GRIN2A: variants seen among roughly 807,000 people sequenced by gnomAD.
GRIN2A encodes the protein glutamate receptor ionotropic, NMDA 2A.
A neutral mutation model predicts 113.4 loss-of-function variants in GRIN2A; 22 were observed. The observed-to-expected ratio is 0.19, with a 90% CI of 0.14 to 0.28. GRIN2A has a LOEUF of 0.28. Among genes scored for constraint, GRIN2A ranks in the 10% least tolerant of loss-of-function variants. The pLI, the probability that GRIN2A is intolerant of heterozygous loss-of-function variation, is 1.00. For missense variants in GRIN2A, 1,502 were observed against 1,887.0 expected (o/e 0.80, Z 3.78); for synonymous variants, 827 against 738.4 (o/e 1.12, Z -1.94).
At chr16:9,906,133 A>G (rs891013463) in intron 3 of GRIN2A, among the ~76,000 whole-genome samples, 1 of 152,150 alleles carries the variant, frequency 6.6e-6, no homozygotes, top group Admixed American at 6.6e-5. Context: ...CTCCATACTC[A>G]TATCAAGCCC....
intron 2 of GRIN2A, 105 bp downstream of exon 2, chr16:10,179,893 C>CCCCAAAAA: frequency 1.4e-5 from 10 of 719,794 alleles, no homozygotes; most frequent in East Asian, 7.2e-5. Context: ...CCCCCACCCC[C>CCCCAAAAA]ACTTCACATC....
Position 10,055,046 on chromosome 16 carries a change from T to TAAAAA in GRIN2A, c.415-116496_415-116495insTTTTT, listed in dbSNP as rs1567266287. 3.7e-3 allele frequency among the ~76,000 whole-genome samples: 46 copies of TAAAAA among 12,482 alleles called. 2 individuals are homozygous for TAAAAA. Among genetic ancestry groups the TAAAAA allele is most frequent in the Admixed American group, 0.012 (7 of 602 alleles). The allele number at this position is 12,482 out of a possible 152,430, so 8.2% of individuals were successfully genotyped here. A position where few individuals can be genotyped will look rare whatever the true frequency, so the allele number is the denominator to read the frequency against. ...CCAGGCAACAGAGCGAGACTCTATC[T>TAAAAA]CAAAAAAAAAAAAAAAAAAAAAAAA... On this transcript the variant is annotated intron_variant, in intron 2 of 12. Transcript: ENST00000330684.
intron 7 of GRIN2A, among the ~76,000 whole-genome samples, chr16:9,836,742 A>T (rs1458161980): frequency 6.6e-6 from 1 of 152,250 alleles, no homozygotes; most frequent in Non-Finnish European, 1.5e-5. Flanking sequence ...ACAAAGAAAC[A>T]TCGTTAAAGC....
At chr16:9,884,083 T>C (rs1280941054) in intron 4 of GRIN2A, among the ~76,000 whole-genome samples, 3 of 152,240 alleles carry the variant, frequency 2.0e-5, no homozygotes, top group Non-Finnish European at 2.9e-5. Flanking sequence ...AAAGTTTGTC[T>C]AGGATACACT....
chr16:9,942,475 G>A (rs2044907054), intron 2 of GRIN2A, among the ~76,000 whole-genome samples: 1 of 152,142 alleles, frequency 6.6e-6, no homozygotes, highest in African/African-American at 2.4e-5. Context: ...TCCATCACAT[G>A]GGTCTGCTGT....
At chr16:9,913,311 C>G (rs2044181460) in intron 3 of GRIN2A, among the ~76,000 whole-genome samples, 1 of 152,180 alleles carries the variant, frequency 6.6e-6, no homozygotes, top group African/African-American at 2.4e-5. Context: ...TATGGGTGCT[C>G]TATTTCATTC....
At position 9,753,785 on chromosome 16, in the gene GRIN2A, A is replaced by C. The variant is rs371383634; in HGVS notation, c.*9364T>G. On this transcript the variant is annotated 3_prime_UTR_variant, in exon 13 of 13. Coordinates refer to ENST00000330684, the MANE Select transcript of GRIN2A (RefSeq NM_001134407.3). The stretch of plus-strand genomic sequence containing the variant: ...GAACATTAATTCCCAAATGAAGACC[A>C]TTGCTTAGAGCAGACAGCTTGCTTT... 7 of 184,230 alleles carry C rather than the reference A, an allele frequency of 3.8e-5. No individual in the cohort carries two copies. The highest frequency in any genetic ancestry group is 1.4e-4 in the African/African-American group (6 of 42,656). The allele number at this position is 184,230 out of a possible 1,614,324, so 11.4% of individuals were successfully genotyped here. A position where few individuals can be genotyped will look rare whatever the true frequency, so the allele number is the denominator to read the frequency against.
intron 4 of GRIN2A, among the ~76,000 whole-genome samples, chr16:9,870,090 T>A (rs983537819): frequency 6.6e-6 from 1 of 152,214 alleles, no homozygotes; most frequent in African/African-American, 2.4e-5. Flanking sequence ...CTATTTTGGA[T>A]AGAAAAAATA....
At chr16:9,930,322 C>CAAGGAAATGGAGGCTCAAAGAAGTT (rs1310039985) in intron 3 of GRIN2A, among the ~76,000 whole-genome samples, 1 of 152,174 alleles carries the variant, frequency 6.6e-6, no homozygotes, top group Non-Finnish European at 1.5e-5. Context: ...TGTTTACAAT[C>CAAGGAAATGGAGGCTCAAAGAAGTT]AAGGAAATGG....
chr16:9,987,333 A>G (rs2045997471), intron 2 of GRIN2A, among the ~76,000 whole-genome samples: 1 of 152,224 alleles, frequency 6.6e-6, no homozygotes, highest in African/African-American at 2.4e-5. Flanking sequence ...GTGCATATGA[A>G]AGCCAACTCA....
At chr16:9,835,786 C>T (rs1427501640) in intron 7 of GRIN2A, among the ~76,000 whole-genome samples, 1 of 152,110 alleles carries the variant, frequency 6.6e-6, no homozygotes, top group African/African-American at 2.4e-5. Flanking sequence ...CTAGAGGTCA[C>T]CACAAATTCC....
At chr16:9,930,056 G>T (rs901482602) in intron 3 of GRIN2A, among the ~76,000 whole-genome samples, 1 of 152,146 alleles carries the variant, frequency 6.6e-6, no homozygotes, top group African/African-American at 2.4e-5. Flanking sequence ...GCCATAAAAG[G>T]GAGGGCTGTG....
intron 4 of GRIN2A, among the ~76,000 whole-genome samples, chr16:9,874,442 A>C (rs1013193430): frequency 6.6e-6 from 1 of 152,240 alleles, no homozygotes; most frequent in Non-Finnish European, 1.5e-5. Flanking sequence ...CCGAGCTCAG[A>C]AACAGACATG....
At chr16:10,000,560 C>G (rs1343132608) in intron 2 of GRIN2A, among the ~76,000 whole-genome samples, 3 of 151,686 alleles carry the variant, frequency 2.0e-5, no homozygotes, top group African/African-American at 7.3e-5. Context: ...TCTATAGAGT[C>G]CTTTAAGGTA....
At chr16:9,977,095 C>A (rs1307984596) in intron 2 of GRIN2A, among the ~76,000 whole-genome samples, 1 of 152,172 alleles carries the variant, frequency 6.6e-6, no homozygotes, top group Non-Finnish European at 1.5e-5. Flanking sequence ...TTACATAGTC[C>A]TGCTCAATCT....
intron 2 of GRIN2A, among the ~76,000 whole-genome samples, chr16:10,103,008 G>C (rs1026173788): frequency 6.6e-6 from 1 of 152,148 alleles, no homozygotes; most frequent in Non-Finnish European, 1.5e-5. Context: ...CCTATGGTAG[G>C]CACTGGGACG....
intron 2 of GRIN2A, among the ~76,000 whole-genome samples, chr16:9,984,683 A>T (rs1391645269): frequency 1.3e-5 from 2 of 152,216 alleles, no homozygotes; most frequent in Admixed American, 1.3e-4. Flanking sequence ...TCTCAGAGGC[A>T]TCACGAGTAA....
At chr16:10,111,768 T>G in intron 2 of GRIN2A, 1 of 1,493,038 alleles carries the variant, frequency 6.7e-7, no homozygotes, top group South Asian at 1.1e-5. Context: ...CTGTGGGTGA[T>G]GTGCTGGAGG....
rs538933355 is a variant in GRIN2A at position 10,067,189 on chromosome 16, G to C, written c.414+112809C>G. ...TATGCTTTAAAAGACACTTGCATCTGGGGCTTTTTCTGAAGCCGTTTTTTC... is the reference window on the plus strand; with the variant it reads ...TATGCTTTAAAAGACACTTGCATCTCGGGCTTTTTCTGAAGCCGTTTTTTC... On this transcript the variant is annotated intron_variant, in intron 2 of 12. Transcript: ENST00000330684. 2.6e-4 allele frequency among the ~76,000 whole-genome samples: 39 copies of C among 152,144 alleles called. 1 individual carries two copies. Among genetic ancestry groups the C allele is most frequent in the African/African-American group, 9.4e-4 (39 of 41,496 alleles).
Sources: allele counts gnomAD v4.1 joint callset (sites outside exome capture counted in the v4.1 genomes callset), GRCh38; gene constraint gnomAD v4.1.1; transcripts MANE v1.5; gene names NCBI Gene and HGNC (gene_info 2026-07-23, HGNC 2026-07-21).